Variants in ASH1L observed in about 807,000 individuals in gnomAD.
ASH1L encodes ASH1 like histone lysine methyltransferase, also known as histone-lysine N-methyltransferase ASH1L.
In ASH1L, 23 loss-of-function variants were observed where a neutral mutation model predicts 269.0. That is an observed-to-expected ratio of 0.09 (90% CI 0.06 to 0.12). The LOEUF (loss-of-function observed/expected upper bound fraction) is 0.12, where lower values mean the gene tolerates loss of function less well. Among genes scored for constraint, ASH1L ranks in the 10% least tolerant of loss-of-function variants. ASH1L has a pLI of 1.00. For synonymous variants in ASH1L, 1,187 were observed against 1,253.5 expected (o/e 0.95, Z 1.12); for missense variants, 2,912 against 3,567.8 (o/e 0.82, Z 4.68).
intron 7 of ASH1L, among the ~76,000 whole-genome samples, chr1:155,387,234 A>G (rs1657512375): frequency 6.6e-6 from 1 of 152,170 alleles, no homozygotes; most frequent in East Asian, 1.9e-4. Flanking sequence ...TCAGCCTCCC[A>G]AAGTGCTGGG....
chr1:155,421,532 A>C (rs1219619050), intron 5 of ASH1L, among the ~76,000 whole-genome samples: 1 of 151,360 alleles, frequency 6.6e-6, no homozygotes, highest in Non-Finnish European at 1.5e-5. Context: ...ATAGCCGGGC[A>C]TGGTGGTGGG....
intron 1 of ASH1L, among the ~76,000 whole-genome samples, chr1:155,540,791 A>G (rs2148888410): frequency 1.3e-5 from 2 of 152,282 alleles, no homozygotes; most frequent in Middle Eastern, 6.8e-3. Flanking sequence ...AACAGGAAAC[A>G]ACAAAAAAGC....
intron 1 of ASH1L, among the ~76,000 whole-genome samples, chr1:155,547,278 T>TAA (rs1036944058): frequency 3.5e-5 from 5 of 143,426 alleles, no homozygotes; most frequent in African/African-American, 1.0e-4. Context: ...AACTACCATT[T>TAA]AAAAAAAAAA....
chr1:155,374,224 C>G (rs887852811), intron 10 of ASH1L, among the ~76,000 whole-genome samples: 1 of 151,588 alleles, frequency 6.6e-6, no homozygotes, highest in African/African-American at 2.4e-5. Context: ...ACTTGGGAGG[C>G]GGAGGTAGGA....
At chr1:155,541,950 C>T (rs1202481969) in intron 1 of ASH1L, among the ~76,000 whole-genome samples, 1 of 152,056 alleles carries the variant, frequency 6.6e-6, no homozygotes, top group Non-Finnish European at 1.5e-5. Context: ...TACCAAGTCA[C>T]AAGGGGAAAA....
intron 10 of ASH1L, 103 bp downstream of exon 10, chr1:155,378,175 ACTT>A (rs1656629879): frequency 1.2e-6 from 1 of 802,100 alleles, no homozygotes; most frequent in Admixed American, 2.2e-5. Flanking sequence ...TCTTTGTGCA[ACTT>A]CTTGAAAAAA....
rs1037743181 is a variant in ASH1L, at chr1:155,424,772, C to T, written c.5829-8849G>A. Among the ~76,000 whole-genome samples, 11 of 152,138 alleles carry T rather than the reference C, an allele frequency of 7.2e-5. 1 individual carries two copies. The South Asian group carries it at 8.3e-4, about 12-fold the overall frequency. ...TTACATTTCTCATAACTGAGAATGG[C>T]GTCATGTATAGTTTGTGTTTGTAAA... On this transcript the variant is annotated intron_variant, in intron 5 of 27. Transcript: ENST00000392403.
chr1:155,550,608 T>G (rs1390419388), intron 1 of ASH1L, among the ~76,000 whole-genome samples: 10 of 152,332 alleles, frequency 6.6e-5, no homozygotes. Flanking sequence ...CTTCATATAA[T>G]TCAGGTATCT....
intron 6 of ASH1L, among the ~76,000 whole-genome samples, chr1:155,405,125 C>A (rs1255626114): frequency 2.0e-5 from 3 of 151,818 alleles, no homozygotes; most frequent in South Asian, 2.1e-4. Context: ...AAAAAAAATT[C>A]TTGGGAACAA....
intron 12 of ASH1L, among the ~76,000 whole-genome samples, chr1:155,369,608 A>G (rs1262184450): frequency 5.3e-5 from 8 of 152,076 alleles, no homozygotes; most frequent in Admixed American, 5.2e-4. Context: ...ATGCTAATCT[A>G]TTTGAGGGGA....
At chr1:155,502,015 G>A (rs1216350044) in intron 2 of ASH1L, among the ~76,000 whole-genome samples, 3 of 151,428 alleles carry the variant, frequency 2.0e-5, no homozygotes, top group South Asian at 2.1e-4. Context: ...TAGCAAATGA[G>A]AGAAGAGGAA....
intron 19 of ASH1L, among the ~76,000 whole-genome samples, chr1:155,348,764 C>T (rs1570960217): frequency 6.6e-6 from 1 of 152,024 alleles, no homozygotes; most frequent in Middle Eastern, 3.4e-3. Flanking sequence ...GCCTATAATC[C>T]CAGCTACTCA....
Position 155,481,060 on chromosome 1 carries a change from A to C in ASH1L, c.1810T>G (p.Phe604Val). The C allele has an allele frequency of 6.2e-7, 1 of 1,614,108 alleles. No homozygotes were observed. The highest frequency in any genetic ancestry group is 1.1e-5 in the South Asian group (1 of 91,068). Residue 604 changes from phenylalanine (F) to valine (V), a missense_variant, in exon 3 of 28, where the codon TTT becomes GTT. Phe to Val is a conservative substitution (Grantham distance 50). Coordinates refer to ENST00000392403, the MANE Select transcript of ASH1L (RefSeq NM_018489.3). ...EISESVGKNQ[F>V]TSESTHLNVG... Reference sequence around the variant, plus strand: ...TTCAAGTGGGTACTTTCAGAAGTAAACTGGTTCTTTCCAACAGATTCAGAA... The same window carrying C: ...TTCAAGTGGGTACTTTCAGAAGTAACCTGGTTCTTTCCAACAGATTCAGAA...
chr1:155,448,490 C>T (rs1363617338), intron 4 of ASH1L, among the ~76,000 whole-genome samples: 1 of 152,058 alleles, frequency 6.6e-6, no homozygotes, highest in African/African-American at 2.4e-5. Context: ...GCCACACCAC[C>T]CAACTTTCAC....
At chr1:155,503,128 T>C (rs147718542) in intron 2 of ASH1L, among the ~76,000 whole-genome samples, 3 of 152,316 alleles carry the variant, frequency 2.0e-5, no homozygotes, top group East Asian at 3.9e-4. Flanking sequence ...CTCAGTAATT[T>C]TGCTAAGAAA....
chr1:155,526,784 T>C (rs545956640), intron 1 of ASH1L, among the ~76,000 whole-genome samples: 1 of 152,286 alleles, frequency 6.6e-6, no homozygotes, highest in East Asian at 1.9e-4. Flanking sequence ...ATAAACGATC[T>C]CTCCTTTCAA....
At chr1:155,539,836 G>A (rs892618589) in intron 1 of ASH1L, among the ~76,000 whole-genome samples, 10 of 151,846 alleles carry the variant, frequency 6.6e-5, no homozygotes, top group Non-Finnish European at 1.2e-4. Context: ...CAGGACGATC[G>A]CTTGAGCCCA....
At chr1:155,507,975 C>T (rs1667921759) in intron 2 of ASH1L, among the ~76,000 whole-genome samples, 1 of 148,410 alleles carries the variant, frequency 6.7e-6, no homozygotes, top group Non-Finnish European at 1.5e-5. Context: ...TATAGTAGAA[C>T]TTTTTATTGC....
chr1:155,339,956 C>CTGCAA (rs1256582229), intron 25 of ASH1L, among the ~76,000 whole-genome samples: 1 of 151,958 alleles, frequency 6.6e-6, no homozygotes. Context: ...TACGGGATCA[C>CTGCAA]CGTTGTATAT....
Sources: gnomAD v4.1 joint callset for allele counts (sites outside exome capture counted in the v4.1 genomes callset) on GRCh38, gnomAD v4.1.1 for gene constraint, MANE v1.5 for transcripts, NCBI Gene and HGNC (gene_info 2026-07-23, HGNC 2026-07-21) for gene names.